PCNA: variants seen among roughly 807,000 people sequenced by gnomAD.
PCNA encodes the protein proliferating cell nuclear antigen, also known as DNA sliding clamp PCNA.
A neutral mutation model predicts 27.8 loss-of-function variants in PCNA; 4 were observed. That is an observed-to-expected ratio of 0.14 (90% CI 0.07 to 0.33). PCNA has a LOEUF of 0.33. PCNA is among the 10% of genes least tolerant of loss of function. The probability of loss-of-function intolerance (pLI) is 1.00; values close to 1 mark genes in which losing one functional copy is unlikely to be tolerated. For missense variants in PCNA, 165 were observed against 327.4 expected, an observed-to-expected ratio of 0.50 and a Z score of 3.83; for synonymous variants, 121 against 119.4, an observed-to-expected ratio of 1.01 and a Z score of -0.09.
At chr20:5,116,440 C>G (rs1333297288) in intron 4 of PCNA, among the ~76,000 whole-genome samples, 1 of 152,152 alleles carries the variant, frequency 6.6e-6, no homozygotes, top group Non-Finnish European at 1.5e-5. Flanking sequence ...AAAAAAAAAC[C>G]TTTCAACTGA....
upstream of PCNA, among the ~76,000 whole-genome samples, chr20:5,123,951 G>A (rs73602870): frequency 4.5e-4 from 69 of 152,284 alleles, no homozygotes; most frequent in African/African-American, 1.6e-3. Flanking sequence ...AACTCAACTT[G>A]AATGGATTAA....
In PCNA at chr20:5,116,654, GTTT is replaced by G. The variant is rs942236721; in HGVS notation, c.582+813_582+815del. ...TTTTAATTTATGCCCAGGTTAGCGA[GTTT>G]TTTTTGTTTGTTTAAGATGGAATCT... On this transcript the variant is annotated intron_variant, in intron 4 of 5. Transcript: ENST00000379143. Among the ~76,000 whole-genome samples the G allele has an allele frequency of 4.6e-5, 7 of 152,014 alleles. No individual in the cohort carries two copies. In the East Asian group the frequency reaches 1.4e-3, roughly 29 times the overall value.
chr20:5,119,489 G>A, intron 1 of PCNA, 89 bp downstream of exon 1: 2 of 1,059,564 alleles, frequency 1.9e-6, no homozygotes, highest in Non-Finnish European at 1.4e-6. Context: ...GCCCACGCCA[G>A]CCAATGAGGG....
At chr20:5,125,087 C>G (rs1415541236) in intron 1 of PCNA, among the ~76,000 whole-genome samples, 1 of 152,090 alleles carries the variant, frequency 6.6e-6, no homozygotes, top group Non-Finnish European at 1.5e-5. Flanking sequence ...GCCTGTAATC[C>G]CAGAACTTTA....
intron 4 of PCNA, among the ~76,000 whole-genome samples, chr20:5,117,266 A>G (rs1308996385): frequency 6.6e-6 from 1 of 152,222 alleles, no homozygotes; most frequent in African/African-American, 2.4e-5. Flanking sequence ...TGGTATGTAC[A>G]CGTGCTGAAT....
intron 4 of PCNA, among the ~76,000 whole-genome samples, chr20:5,116,391 G>T (rs975726543): frequency 2.0e-5 from 3 of 152,004 alleles, no homozygotes; most frequent in African/African-American, 7.2e-5. Context: ...TGTGATTCAG[G>T]AAACAGATAA....
At chr20:5,122,591 T>C (rs1440989397), upstream of PCNA, among the ~76,000 whole-genome samples, 1 of 152,240 alleles carries the variant, frequency 6.6e-6, no homozygotes, top group East Asian at 1.9e-4. Flanking sequence ...CCCATTTGCA[T>C]ACATCTCAAT....
In PCNA at chr20:5,118,636, A is replaced by G; in HGVS notation, c.361T>C (p.Leu121=). 6.2e-7 allele frequency: 1 copy of G among 1,613,454 alleles called. No homozygotes were observed. Residue 121 remains leucine, a synonymous_variant, in exon 3 of 6, where the codon TTA becomes CTA. Coordinates refer to ENST00000379143, the MANE Select transcript of PCNA (RefSeq NM_182649.2). ...GGAATTCCAAGTTGTTCAACATCTA[A>G]ATCCATCAACTTCATTTCATAGTCT... is the stretch of plus-strand genomic sequence containing the variant. ...VSDYEMKLMD[L]DVEQLGIPEQ...
intron 4 of PCNA, among the ~76,000 whole-genome samples, chr20:5,117,254 T>C (rs997321797): frequency 6.6e-6 from 1 of 152,252 alleles, no homozygotes. Context: ...ACCACTGTTC[T>C]GTGGTATGTA....
chr20:5,118,974 A>AGTTT, intron 1 of PCNA, 108 bp from the exon 2 acceptor site: 1 of 730,464 alleles, frequency 1.4e-6, no homozygotes, highest in Admixed American at 2.3e-5. Context: ...GCCGTCTCAG[A>AGTTT]ACTGGTGGAG....
chr20:5,119,843 G>A lies in PCNA; in HGVS notation c.-45C>T. 1 of 1,473,744 alleles carries A rather than the reference G, an allele frequency of 6.8e-7. No homozygotes were observed. Among genetic ancestry groups the A allele is most frequent in the Non-Finnish European group, 9.3e-7 (1 of 1,079,256 alleles). The allele number at this position is 1,473,744 out of a possible 1,614,324, so 91.3% of individuals were successfully genotyped here. ...CGCCGCTACAGGCAGGCGGGAAGGA[G>A]GAAAGTCTAGCTGGTTTCGGCTTCA... On this transcript the variant is annotated 5_prime_UTR_variant, in exon 1 of 6. Coordinates refer to ENST00000379143, the MANE Select transcript of PCNA (RefSeq NM_182649.2).
chr20:5,119,566 C>T lies in PCNA; in HGVS notation c.221+12G>A, dbSNP rs1307218402. 3.1e-6 allele frequency: 5 copies of T among 1,604,822 alleles called. No individual in the cohort carries two copies. The African/African-American group carries it at 4.0e-5, about 13-fold the overall frequency. On this transcript the variant is annotated intron_variant, in intron 1 of 5. Coordinates refer to ENST00000379143, the MANE Select transcript of PCNA (RefSeq NM_182649.2). ...CGGGCCGGGGCCGGCTTCCCGGGGC[C>T]GCGAGGCTCACCTGGTGAGGTTCAC...
At chr20:5,124,203 A>G (rs2090532344), upstream of PCNA, among the ~76,000 whole-genome samples, 2 of 152,242 alleles carry the variant, frequency 1.3e-5, no homozygotes, top group African/African-American at 4.8e-5. Flanking sequence ...ATACATTGGT[A>G]TAATTTTTCT....
At chr20:5,116,492 G>A (rs2090476228) in intron 4 of PCNA, among the ~76,000 whole-genome samples, 1 of 152,104 alleles carries the variant, frequency 6.6e-6, no homozygotes, top group Non-Finnish European at 1.5e-5. Context: ...ACCCATTCAA[G>A]GGACAAGAGA....
upstream of PCNA, chr20:5,121,685 G>A (rs2090519130): frequency 6.6e-6 from 1 of 151,994 alleles, no homozygotes; most frequent in African/African-American, 2.4e-5. Context: ...CTGGAGTGCA[G>A]TGGCAAGATG....
At chr20:5,124,789 T>C (rs780738941), upstream of PCNA, among the ~76,000 whole-genome samples, 2 of 152,180 alleles carry the variant, frequency 1.3e-5, no homozygotes, top group Non-Finnish European at 2.9e-5. Context: ...TGAGTTCCAT[T>C]AACCTGAGAG....
rs17350 is a variant in PCNA, at chr20:5,117,557, G to A, written c.495C>T (p.Asp165=). The A allele has an allele frequency of 4.3e-4, 699 of 1,613,546 alleles. 9 individuals are homozygous for A. In the South Asian group the frequency reaches 7.1e-3, roughly 16 times the overall value. Residue 165 remains aspartate (D), a synonymous_variant, in exon 4 of 6, where the codon GAC becomes GAT. Coordinates refer to ENST00000379143, the MANE Select transcript of PCNA (RefSeq NM_182649.2). The stretch of plus-strand genomic sequence containing the variant: ...CTCCACTTGCAGAAAATTTCACTCC[G>A]TCTTTTGCACAGGAAATTACAACAG... ...GDAVVISCAK[D]GVKFSASGEL... is the part of the protein sequence containing the mutation.
Position 5,119,616 on chromosome 20 carries a change from G to C in PCNA, c.183C>G (p.Arg61=). ...TLRSEGFDTY[R]CDRNLAMGVN... ...CGCCCATGGCCAGGTTGCGGTCGCA[G>C]CGGTAGGTGTCGAAGCCCTCAGACC... Residue 61 remains arginine (R), a synonymous_variant, in exon 1 of 6, where the codon CGC becomes CGG. Transcript: ENST00000379143. The C allele has an allele frequency of 6.2e-7, 1 of 1,613,682 alleles. No individual in the cohort carries two copies. Among genetic ancestry groups the C allele is most frequent in the Admixed American group, 1.7e-5 (1 of 60,008 alleles).
chr20:5,118,519 A>C (rs2090492137), intron 3 of PCNA, 91 bp downstream of exon 3: 1 of 957,140 alleles, frequency 1.0e-6, no homozygotes, highest in African/African-American at 1.6e-5. Flanking sequence ...CAACAGAGCC[A>C]AGACCCTGTC....
Sources: allele counts gnomAD v4.1 joint callset (sites outside exome capture counted in the v4.1 genomes callset), GRCh38; gene constraint gnomAD v4.1.1; transcripts MANE v1.5; gene names NCBI Gene and HGNC (gene_info 2026-07-23, HGNC 2026-07-21).